The following TBC1D2B variants were observed in gnomAD, a reference collection of about 807,000 sequenced individuals.
TBC1D2B encodes TBC1 domain family, member 2B.
A neutral mutation model predicts 100.8 loss-of-function variants in TBC1D2B; 64 were observed. The ratio of observed to expected loss-of-function variants is 0.64; its 90% confidence interval spans 0.52 to 0.78. The LOEUF is 0.78. Ranked by LOEUF, TBC1D2B falls within the 30% of genes least tolerant of loss-of-function variation. The probability of loss-of-function intolerance (pLI) is 0.00; values close to 1 mark genes in which losing one functional copy is unlikely to be tolerated. For synonymous variants in TBC1D2B, 480 were observed against 479.7 expected (o/e 1.00, Z -0.01); for missense variants, 1,052 against 1,218.4 (o/e 0.86, Z 2.03).
intron 3 of TBC1D2B, among the ~76,000 whole-genome samples, chr15:78,035,002 T>C (rs548504010): frequency 6.6e-6 from 1 of 152,256 alleles, no homozygotes; most frequent in African/African-American, 2.4e-5. Context: ...TTTTTTTAGC[T>C]GGTGTTAGAG....
At chr15:78,005,681 G>A (rs71407261) in intron 10 of TBC1D2B, among the ~76,000 whole-genome samples, 2,144 of 152,304 alleles carry the variant, frequency 0.014, 24 homozygotes, top group Middle Eastern at 0.024. Flanking sequence ...ATGTGAACTA[G>A]GGGGAGAAAA....
chr15:78,040,098 A>AG, intron 3 of TBC1D2B, among the ~76,000 whole-genome samples: 1 of 152,262 alleles, frequency 6.6e-6, no homozygotes, highest in Non-Finnish European at 1.5e-5. Flanking sequence ...ACCGCCACAC[A>AG]GGCTTCCAAT....
intron 1 of TBC1D2B, among the ~76,000 whole-genome samples, chr15:78,064,236 C>T (rs551139008): frequency 5.9e-5 from 9 of 152,160 alleles, no homozygotes; most frequent in Non-Finnish European, 7.3e-5. Flanking sequence ...TACAACCAAA[C>T]GATCATTCCT....
chr15:78,017,070 A>T (rs1053699482), intron 7 of TBC1D2B: 7 of 224,502 alleles, frequency 3.1e-5, no homozygotes, highest in Non-Finnish European at 5.3e-5. Context: ...GCCATCTGGC[A>T]CATGGCCCAT....
At chr15:78,011,332 A>G (rs2072217318) in intron 9 of TBC1D2B, among the ~76,000 whole-genome samples, 1 of 152,266 alleles carries the variant, frequency 6.6e-6, no homozygotes, top group South Asian at 2.1e-4. Context: ...GGAGGTCAAT[A>G]CCTGGCATGG....
chr15:78,028,350 C>T (rs1024715159), intron 4 of TBC1D2B, among the ~76,000 whole-genome samples: 3 of 152,142 alleles, frequency 2.0e-5, no homozygotes, highest in African/African-American at 7.2e-5. Context: ...TGGTGGGCAC[C>T]TGTAATACCA....
intron 8 of TBC1D2B, among the ~76,000 whole-genome samples, chr15:78,014,715 C>A (rs185091879): frequency 6.6e-6 from 1 of 152,090 alleles, no homozygotes; most frequent in East Asian, 1.9e-4. Flanking sequence ...GACTGAGAGA[C>A]CTCATCTCTT....
At chr15:78,011,799 C>T (rs919629287) in intron 9 of TBC1D2B, among the ~76,000 whole-genome samples, 7 of 151,864 alleles carry the variant, frequency 4.6e-5, no homozygotes, top group African/African-American at 1.5e-4. Flanking sequence ...CAGGCATGTG[C>T]CACCGTCTGG....
At chr15:78,062,044 T>C (rs899965002) in intron 1 of TBC1D2B, among the ~76,000 whole-genome samples, 1 of 152,076 alleles carries the variant, frequency 6.6e-6, no homozygotes, top group Non-Finnish European at 1.5e-5. Flanking sequence ...AAACACTCTG[T>C]CAAGACCGAG....
chr15:78,011,615 C>T (rs1378531879), intron 9 of TBC1D2B, among the ~76,000 whole-genome samples: 2 of 146,814 alleles, frequency 1.4e-5, no homozygotes, highest in Non-Finnish European at 3.0e-5. Flanking sequence ...GGATTAGAGG[C>T]ACATGCCACC....
At chr15:78,060,086 T>C (rs1172327481) in intron 1 of TBC1D2B, among the ~76,000 whole-genome samples, 1 of 152,188 alleles carries the variant, frequency 6.6e-6, no homozygotes, top group East Asian at 1.9e-4. Flanking sequence ...CCTGGGAATG[T>C]AGCTAAAGTA....
intron 2 of TBC1D2B, among the ~76,000 whole-genome samples, chr15:78,048,256 C>G (rs1359014062): frequency 1.3e-5 from 2 of 152,200 alleles, no homozygotes; most frequent in African/African-American, 4.8e-5. Context: ...TCTTTTCCAG[C>G]TTAATACATT....
chr15:78,037,747 T>C (rs989935562), intron 3 of TBC1D2B, among the ~76,000 whole-genome samples: 3 of 152,168 alleles, frequency 2.0e-5, no homozygotes, highest in African/African-American at 7.2e-5. Flanking sequence ...AGGAAATCAA[T>C]TTTGAGGGTC....
chr15:78,043,454 C>G (rs2073130144), intron 3 of TBC1D2B, among the ~76,000 whole-genome samples: 2 of 152,208 alleles, frequency 1.3e-5, no homozygotes, highest in South Asian at 4.2e-4. Flanking sequence ...GGCTGGAGTG[C>G]AGTGATGCGA....
chr15:78,034,713 T>G, intron 3 of TBC1D2B: 1 of 985,458 alleles, frequency 1.0e-6, no homozygotes, highest in African/African-American at 1.7e-5. Context: ...ACAGCCTTGC[T>G]GGAGGTGCGG....
At chr15:78,036,819 C>T (rs754870940) in intron 3 of TBC1D2B, among the ~76,000 whole-genome samples, 2 of 152,182 alleles carry the variant, frequency 1.3e-5, no homozygotes, top group African/African-American at 2.4e-5. Context: ...TCCTTCAAAC[C>T]AAGGACTTCG....
chr15:78,016,206 T>G (rs920092750), intron 8 of TBC1D2B, among the ~76,000 whole-genome samples: 3 of 152,008 alleles, frequency 2.0e-5, no homozygotes, highest in Non-Finnish European at 4.4e-5. Flanking sequence ...AAGGGTCCCT[T>G]TGTTTTGAAC....
intron 1 of TBC1D2B, among the ~76,000 whole-genome samples, chr15:78,059,350 C>T (rs924119004): frequency 1.8e-4 from 28 of 152,218 alleles, no homozygotes; most frequent in African/African-American, 5.8e-4. Context: ...TCAATTGTTG[C>T]TACTTCCTCA....
chr15:78,003,408 T>C lies in TBC1D2B; in HGVS notation c.2471A>G (p.Tyr824Cys), dbSNP rs199928887. ...HGHFEQYKVDYTLITFNWFLV... is the reference protein window; with the variant it reads ...HGHFEQYKVDCTLITFNWFLV... ...AAACCAGTTGAAAGTGATGAGAGTG[T>C]AGTCGACTTTGTACTGTTCAAAGTG... The change falls in exon 11 of 13, where the codon TAC becomes TGC. Residue 824 changes from tyrosine to cysteine, a missense_variant. By Grantham distance (194) the Tyr-to-Cys change is radical. This residue lies in a region of TBC1D2B where 373 missense variants were observed against 464.9 expected (regional missense o/e 0.80). Coordinates refer to ENST00000300584, the MANE Select transcript of TBC1D2B (RefSeq NM_144572.2). 21 of 1,613,902 alleles carry C rather than the reference T, an allele frequency of 1.3e-5. No individual in the cohort carries two copies. In the East Asian group the frequency reaches 2.0e-4, roughly 15 times the overall value.
Sources: gnomAD v4.1 joint callset for allele counts (sites outside exome capture counted in the v4.1 genomes callset) on GRCh38, gnomAD v4.1.1 for gene constraint, gnomAD v4.1.1 regional missense constraint, MANE v1.5 for transcripts, NCBI Gene and HGNC (gene_info 2026-07-23, HGNC 2026-07-21) for gene names.